The following NARS2 variants were observed in gnomAD, a reference collection of about 807,000 sequenced individuals.
NARS2 encodes the protein asparaginyl-tRNA synthetase 2, mitochondrial.
NARS2 carries 60 observed loss-of-function variants against 62.9 expected under a neutral mutation model. The ratio of observed to expected loss-of-function variants is 0.95; its 90% CI spans 0.77 to 1.18. NARS2 has a LOEUF of 1.18. Ranked by LOEUF, NARS2 falls within the 50% of genes most tolerant of loss-of-function variation. The pLI, the probability that NARS2 is intolerant of heterozygous loss-of-function variation, is 0.00. For synonymous variants in NARS2, 196 were observed against 200.0 expected, an observed-to-expected ratio of 0.98 and a Z score of 0.17; for missense variants, 619 against 576.4, an observed-to-expected ratio of 1.07 and a Z score of -0.76.
intron 10 of NARS2, among the ~76,000 whole-genome samples, chr11:78,468,460 G>A (rs1236380681): frequency 6.9e-6 from 1 of 144,828 alleles, no homozygotes; most frequent in Non-Finnish European, 1.5e-5. Flanking sequence ...AGGCTGGAAT[G>A]CAGTGGTGAT....
chr11:78,542,201 T>C (rs1340825052), intron 5 of NARS2, among the ~76,000 whole-genome samples: 1 of 152,208 alleles, frequency 6.6e-6, no homozygotes, highest in African/African-American at 2.4e-5. Context: ...GAAAGGAAGT[T>C]ATTAAGTCAG....
At chr11:78,541,937 G>T (rs1292886083) in intron 5 of NARS2, among the ~76,000 whole-genome samples, 1 of 152,168 alleles carries the variant, frequency 6.6e-6, no homozygotes, top group Non-Finnish European at 1.5e-5. Flanking sequence ...TGCCGGTTAT[G>T]TTAGTTTTGG....
At chr11:78,465,307 G>A (rs749647172) in intron 11 of NARS2, among the ~76,000 whole-genome samples, 1 of 152,254 alleles carries the variant, frequency 6.6e-6, no homozygotes, top group Non-Finnish European at 1.5e-5. Context: ...CCCACAAGCT[G>A]AGGGAGCCGG....
At chr11:78,466,472 C>T (rs1858627585) in intron 10 of NARS2, among the ~76,000 whole-genome samples, 1 of 151,982 alleles carries the variant, frequency 6.6e-6, no homozygotes, top group Non-Finnish European at 1.5e-5. Flanking sequence ...GGCTAAATGA[C>T]TTCTCTTGGT....
chr11:78,524,686 T>A (rs59087482), intron 6 of NARS2, among the ~76,000 whole-genome samples: 1 of 146,924 alleles, frequency 6.8e-6, no homozygotes, highest in African/African-American at 2.5e-5. Context: ...TTCTCTAGTT[T>A]AAAAAAAAAA....
At chr11:78,471,156 G>A (rs113599556) in intron 9 of NARS2, among the ~76,000 whole-genome samples, 45 of 152,064 alleles carry the variant, frequency 3.0e-4, no homozygotes, top group Non-Finnish European at 2.6e-4. Flanking sequence ...TGGTGGCAGT[G>A]GTGTTGGTAG....
chr11:78,512,028 G>A (rs954029476), intron 6 of NARS2, among the ~76,000 whole-genome samples: 1 of 152,164 alleles, frequency 6.6e-6, no homozygotes, highest in African/African-American at 2.4e-5. Context: ...CAACAACAAC[G>A]TCCTTCCAAG....
intron 13 of NARS2, among the ~76,000 whole-genome samples, chr11:78,440,055 T>C (rs1418282945): frequency 6.6e-6 from 1 of 152,158 alleles, no homozygotes; most frequent in Non-Finnish European, 1.5e-5. Context: ...GAGCAAAGGA[T>C]TTTTTTAAAT....
At chr11:78,559,481 C>A in intron 5 of NARS2, 58 bp downstream of exon 5, 4 of 1,106,178 alleles carry the variant, frequency 3.6e-6, no homozygotes, top group Middle Eastern at 4.0e-4. Context: ...AATTTCAAAC[C>A]CTCAAATGAA....
chr11:78,453,910 GC>G (rs1858059063), intron 11 of NARS2, among the ~76,000 whole-genome samples: 1 of 152,180 alleles, frequency 6.6e-6, no homozygotes, highest in Admixed American at 6.5e-5. Flanking sequence ...TCTGAAAGAG[GC>G]AAAAGTCTTA....
intron 7 of NARS2, among the ~76,000 whole-genome samples, chr11:78,485,210 GAAC>G (rs1351494520): frequency 6.6e-6 from 1 of 151,396 alleles, no homozygotes; most frequent in East Asian, 1.9e-4. Flanking sequence ...ACAGGGAGGG[GAAC>G]ATCACACACT....
chr11:78,574,308 TC>T (rs1857037717), intron 1 of NARS2, 39 bp downstream of exon 1: 6 of 1,613,434 alleles, frequency 3.7e-6, no homozygotes, highest in Non-Finnish European at 5.1e-6. Context: ...CATATAAAAG[TC>T]CCTACAAGAA....
At chr11:78,447,114 T>C (rs1242135887) in intron 11 of NARS2, among the ~76,000 whole-genome samples, 1 of 150,716 alleles carries the variant, frequency 6.6e-6, no homozygotes, top group African/African-American at 2.4e-5. Context: ...TCACTAATTA[T>C]TAAGAAAATG....
intron 6 of NARS2, among the ~76,000 whole-genome samples, chr11:78,495,941 T>G (rs1860037991): frequency 6.6e-6 from 1 of 152,142 alleles, no homozygotes; most frequent in African/African-American, 2.4e-5. Context: ...CAATAGGGAT[T>G]TTTAAATTTT....
chr11:78,573,290 A>T (rs1008385417), intron 1 of NARS2: 12 of 152,258 alleles, frequency 7.9e-5, no homozygotes, highest in African/African-American at 2.4e-4. Flanking sequence ...TAATCCCAGC[A>T]TTTTGGGATG....
intron 5 of NARS2, among the ~76,000 whole-genome samples, chr11:78,551,195 T>G (rs1390294595): frequency 1.3e-5 from 2 of 152,224 alleles, no homozygotes; most frequent in African/African-American, 4.8e-5. Context: ...TATACAGTTG[T>G]GCATAGCCTG....
intron 13 of NARS2, among the ~76,000 whole-genome samples, chr11:78,437,603 GAA>G (rs1434636134): frequency 2.6e-5 from 4 of 152,176 alleles, no homozygotes; most frequent in African/African-American, 9.6e-5. Flanking sequence ...GTTTTAGGAA[GAA>G]AAGAGGAAAA....
At chr11:78,520,770 A>T (rs760924926) in intron 6 of NARS2, among the ~76,000 whole-genome samples, 1 of 152,130 alleles carries the variant, frequency 6.6e-6, no homozygotes, top group Non-Finnish European at 1.5e-5. Flanking sequence ...ATAGTAAGAA[A>T]ATAGGCCTGG....
intron 5 of NARS2, chr11:78,555,206 C>G (rs541534807): frequency 6.6e-6 from 1 of 152,152 alleles, no homozygotes; most frequent in African/African-American, 2.4e-5. Flanking sequence ...TTTGTTGTGT[C>G]TCTCCCAGGT....
Sources: gnomAD v4.1 joint callset for allele counts (sites outside exome capture counted in the v4.1 genomes callset) on GRCh38, gnomAD v4.1.1 for gene constraint, MANE v1.5 for transcripts, NCBI Gene and HGNC (gene_info 2026-07-23, HGNC 2026-07-21) for gene names.